ADAM9: variants seen among roughly 807,000 people sequenced by gnomAD.
The protein encoded by ADAM9 is ADAM metallopeptidase domain 9.
ADAM9 carries 54 observed loss-of-function variants against 108.1 expected under a neutral mutation model. The observed-to-expected ratio is 0.50, with a 90% CI of 0.40 to 0.63. The LOEUF (loss-of-function observed/expected upper bound fraction) is 0.63. Ranked by LOEUF, ADAM9 falls within the 20% of genes least tolerant of loss-of-function variation. ADAM9 has a pLI of 0.00. For synonymous variants in ADAM9, 316 were observed against 336.0 expected, an observed-to-expected ratio of 0.94 and a Z score of 0.65; for missense variants, 830 against 997.7, an observed-to-expected ratio of 0.83 and a Z score of 2.26.
At chr8:39,102,452 AC>A (rs1370406045) in intron 21 of ADAM9, among the ~76,000 whole-genome samples, 1 of 152,158 alleles carries the variant, frequency 6.6e-6, no homozygotes, top group Non-Finnish European at 1.5e-5. Flanking sequence ...AGAGCTTTCT[AC>A]AAACTCACAG....
intron 11 of ADAM9, among the ~76,000 whole-genome samples, chr8:39,028,086 T>G (rs1588352335): frequency 6.6e-6 from 1 of 152,162 alleles, no homozygotes; most frequent in Admixed American, 6.5e-5. Flanking sequence ...AGACCCTGTT[T>G]CAAAACAAAC....
intron 16 of ADAM9, among the ~76,000 whole-genome samples, chr8:39,080,234 TCTA>T (rs1838978394): frequency 6.6e-6 from 1 of 152,092 alleles, no homozygotes; most frequent in African/African-American, 2.4e-5. Flanking sequence ...AAAAATAGTA[TCTA>T]CTGATTGTTG....
intron 1 of ADAM9, among the ~76,000 whole-genome samples, chr8:39,006,501 T>C (rs1836164473): frequency 6.7e-6 from 1 of 149,322 alleles, no homozygotes. Context: ...AACATATAGA[T>C]TGGATCAAAG....
chr8:39,026,781 A>G lies in ADAM9; in HGVS notation c.1101A>G (p.Ala367=), dbSNP rs753297139. 63 of 1,613,594 alleles carry G rather than the reference A, an allele frequency of 3.9e-5. No individual in the cohort carries two copies. The Admixed American group carries it at 1.1e-3, about 27-fold the overall frequency. ...ATGGGAGAGATTGTTCCTGTGGAGC[A>G]AAGAGCTGCATCATGAATTCAGGAG... ...HDDGRDCSCG[A]KSCIMNSGAS... is the part of the protein sequence containing the mutation. Residue 367 remains alanine (A), a synonymous_variant, in exon 11 of 22, where the codon GCA becomes GCG. Transcript: ENST00000487273.
intron 12 of ADAM9, among the ~76,000 whole-genome samples, chr8:39,045,704 G>A (rs1211982733): frequency 3.3e-5 from 5 of 151,894 alleles, no homozygotes; most frequent in African/African-American, 7.3e-5. Context: ...TTTACATAAC[G>A]ATTTATTTTC....
intron 7 of ADAM9, among the ~76,000 whole-genome samples, chr8:39,019,773 T>G (rs1251125507): frequency 6.6e-6 from 1 of 152,190 alleles, no homozygotes; most frequent in East Asian, 1.9e-4. Flanking sequence ...AAAAATTCCT[T>G]GTTGTATGTA....
intron 4 of ADAM9, chr8:39,015,435 A>G (rs1281956619): frequency 2.6e-5 from 4 of 152,272 alleles, no homozygotes; most frequent in Admixed American, 2.0e-4. Flanking sequence ...TATCATAAGT[A>G]TGATAGAGTT....
intron 8 of ADAM9, among the ~76,000 whole-genome samples, chr8:39,022,240 G>A (rs975818388): frequency 9.2e-5 from 14 of 152,026 alleles, no homozygotes; most frequent in Admixed American, 6.6e-5. Context: ...TGATGATGAC[G>A]ATGATGATGA....
Position 39,101,898 on chromosome 8 carries a change from T to G in ADAM9, c.2334T>G (p.Tyr778Ter). 6.2e-7 allele frequency: 1 copy of G among 1,614,036 alleles called. No homozygotes were observed. The highest frequency in any genetic ancestry group is 8.5e-7 in the Non-Finnish European group (1 of 1,179,948). ...CAAACAGATTTGCAGTACCAACCTATGCAGCCAAGCAACCTCAGCAGTTCC... is the reference window on the plus strand; with the variant it reads ...CAAACAGATTTGCAGTACCAACCTAGGCAGCCAAGCAACCTCAGCAGTTCC... ...IYANRFAVPT[Y>*]AAKQPQQFPS... The change falls in exon 21 of 22, where the codon TAT becomes TAG. Residue 778 changes from tyrosine (Y) to a stop codon, truncating the protein, a stop_gained. Coordinates refer to ENST00000487273, the MANE Select transcript of ADAM9 (RefSeq NM_003816.3). LOFTEE classifies it high-confidence loss of function.
At chr8:38,998,404 T>G (rs541730056) in intron 1 of ADAM9, among the ~76,000 whole-genome samples, 252 of 152,342 alleles carry the variant, frequency 1.7e-3, no homozygotes, top group African/African-American at 5.8e-3. Flanking sequence ...TGATTTTTTT[T>G]TGTGTTTGTA....
At chr8:39,091,447 A>G in intron 20 of ADAM9, 101 bp downstream of exon 20, 1 of 1,083,104 alleles carries the variant, frequency 9.2e-7, no homozygotes, top group Admixed American at 1.9e-5. Flanking sequence ...AAACATAGAT[A>G]CCTTCTTAAG....
intron 16 of ADAM9, among the ~76,000 whole-genome samples, chr8:39,078,198 A>G (rs957045716): frequency 5.3e-5 from 8 of 152,116 alleles, no homozygotes; most frequent in Admixed American, 2.0e-4. Flanking sequence ...GAAGATCCAT[A>G]TATTTTTGGT....
intron 10 of ADAM9, among the ~76,000 whole-genome samples, 163 bp from the exon 11 acceptor site, chr8:39,026,514 T>TG (rs537960956): frequency 6.6e-5 from 10 of 152,258 alleles, no homozygotes; most frequent in Admixed American, 2.0e-4. Context: ...TGTTACTTTC[T>TG]TACTAGACTG....
chr8:39,083,865 T>C (rs971302986), intron 18 of ADAM9, among the ~76,000 whole-genome samples: 4 of 152,172 alleles, frequency 2.6e-5, no homozygotes, highest in East Asian at 1.9e-4. Context: ...ACTAGTCATA[T>C]AGTAGGTGTA....
intron 9 of ADAM9, among the ~76,000 whole-genome samples, chr8:39,025,455 T>C (rs867765983): frequency 1.3e-5 from 2 of 152,208 alleles, no homozygotes; most frequent in Non-Finnish European, 2.9e-5. Flanking sequence ...TGTAAACATA[T>C]TCATTTCATT....
chr8:39,045,473 C>G (rs1442692478), intron 12 of ADAM9, among the ~76,000 whole-genome samples: 1 of 92,426 alleles, frequency 1.1e-5, no homozygotes, highest in Non-Finnish European at 2.7e-5. Flanking sequence ...CGTGTGTGTA[C>G]ACACACCTAT....
chr8:39,009,180 C>CTT (rs1213976993), intron 2 of ADAM9, among the ~76,000 whole-genome samples: 4 of 152,202 alleles, frequency 2.6e-5, no homozygotes, highest in Non-Finnish European at 4.4e-5. Context: ...GTAAATGACT[C>CTT]TAAGATCTCC....
At chr8:39,069,319 C>A (rs1393192920) in intron 14 of ADAM9, among the ~76,000 whole-genome samples, 1 of 151,534 alleles carries the variant, frequency 6.6e-6, no homozygotes, top group Non-Finnish European at 1.5e-5. Context: ...AGACTTCTTA[C>A]CTGAAGTTTG....
chr8:39,063,841 A>T (rs1305353482), intron 14 of ADAM9, among the ~76,000 whole-genome samples: 1 of 152,122 alleles, frequency 6.6e-6, no homozygotes, highest in East Asian at 1.9e-4. Flanking sequence ...CAATAACCTC[A>T]ATTTAACAGT....
Sources: allele counts gnomAD v4.1 joint callset (sites outside exome capture counted in the v4.1 genomes callset), GRCh38; gene constraint gnomAD v4.1.1; transcripts MANE v1.5; gene names NCBI Gene and HGNC (gene_info 2026-07-23, HGNC 2026-07-21).